The following CALB2 variants were observed in gnomAD, a reference collection of about 807,000 sequenced individuals.
The protein encoded by CALB2 is calretinin.
A neutral mutation model predicts 45.9 loss-of-function variants in CALB2; 34 were observed. The ratio of observed to expected loss-of-function variants is 0.74; its 90% confidence interval spans 0.56 to 0.99. The LOEUF is 0.99. Ranked by LOEUF, CALB2 falls within the 50% of genes least tolerant of loss-of-function variation. The probability of loss-of-function intolerance (pLI) is 0.00; values close to 1 mark genes in which losing one functional copy is unlikely to be tolerated. For missense variants in CALB2, 344 were observed against 339.3 expected, an observed-to-expected ratio of 1.01 and a Z score of -0.11; for synonymous variants, 142 against 129.6, an observed-to-expected ratio of 1.10 and a Z score of -0.65.
rs999507675 is a variant in CALB2, at chr16:71,376,860, C to T, written c.262-807C>T. 7.9e-5 allele frequency among the ~76,000 whole-genome samples: 12 copies of T among 152,314 alleles called. No individual in the cohort carries two copies. The East Asian group carries it at 9.6e-4, about 12-fold the overall frequency. ...ACAACCATATCCAACTACATACATC[C>T]ATATACAACCACTGTCCAGCTGCAG... On this transcript the variant is annotated intron_variant, in intron 3 of 10. Coordinates refer to ENST00000302628, the MANE Select transcript of CALB2 (RefSeq NM_001740.5).
chr16:71,365,004 A>T (rs1228541356), intron 1 of CALB2, among the ~76,000 whole-genome samples: 1 of 152,204 alleles, frequency 6.6e-6, no homozygotes, highest in Non-Finnish European at 1.5e-5. Context: ...GTCGTAAAGA[A>T]CAGATGAGGT....
At chr16:71,383,723 C>T (rs769508302) in intron 6 of CALB2, among the ~76,000 whole-genome samples, 5 of 152,082 alleles carry the variant, frequency 3.3e-5, no homozygotes, top group East Asian at 1.9e-4. Context: ...CCTTTAGTGC[C>T]GGCCTGCTGT....
At chr16:71,383,288 T>C (rs1343328849) in intron 5 of CALB2, 79 bp from the exon 6 acceptor site, 2 of 1,264,084 alleles carry the variant, frequency 1.6e-6, no homozygotes, top group East Asian at 2.4e-5. Context: ...TGAGAGACTG[T>C]CTGAATGAGC....
chr16:71,376,606 TACCCACATCCATCCACATGC>T (rs2042416333), intron 3 of CALB2, among the ~76,000 whole-genome samples: 1 of 144,324 alleles, frequency 6.9e-6, no homozygotes, highest in Non-Finnish European at 1.5e-5. Flanking sequence ...CAATCACATG[TACCCACATCCATCCACATGC>T]ACCCACATGC....
intron 10 of CALB2, among the ~76,000 whole-genome samples, chr16:71,388,997 C>CAAAAA (rs146702342): frequency 1.6e-5 from 1 of 60,686 alleles, no homozygotes; most frequent in African/African-American, 7.3e-5. Flanking sequence ...GACTCCATCT[C>CAAAAA]AAAAAAAAAA....
chr16:71,367,500 G>A (rs1479659719), intron 1 of CALB2, among the ~76,000 whole-genome samples: 1 of 152,156 alleles, frequency 6.6e-6, no homozygotes, highest in Admixed American at 6.5e-5. Context: ...TTTGAGGGAA[G>A]CCAGAGCAGC....
At chr16:71,382,079 GAAGA>G (rs1277431305) in intron 4 of CALB2, among the ~76,000 whole-genome samples, 6 of 129,202 alleles carry the variant, frequency 4.6e-5, no homozygotes, top group East Asian at 2.4e-4. Context: ...GGAGGGGGAG[GAAGA>G]AAGAAAGAGA....
chr16:71,371,666 T>C (rs2042352570), intron 1 of CALB2, among the ~76,000 whole-genome samples: 1 of 152,158 alleles, frequency 6.6e-6, no homozygotes, highest in Non-Finnish European at 1.5e-5. Flanking sequence ...CCACTGGATT[T>C]AGGGCCCACC....
chr16:71,371,750 G>T (rs1318554621), intron 1 of CALB2, among the ~76,000 whole-genome samples: 3 of 152,064 alleles, frequency 2.0e-5, no homozygotes, highest in Non-Finnish European at 4.4e-5. Flanking sequence ...CCATTCTGGG[G>T]GAGCACTCCA....
chr16:71,379,800 A>G (rs1458095011), intron 4 of CALB2, among the ~76,000 whole-genome samples: 9 of 152,226 alleles, frequency 5.9e-5, no homozygotes, highest in Admixed American at 5.2e-4. Flanking sequence ...TCAGTGAGAA[A>G]GAACCAGTTC....
intron 3 of CALB2, among the ~76,000 whole-genome samples, chr16:71,376,462 A>G (rs2042412800): frequency 6.6e-6 from 1 of 152,188 alleles, no homozygotes; most frequent in East Asian, 1.9e-4. Context: ...AGCGCCAGGC[A>G]TCACATCCAC....
rs868229129 is a variant in CALB2, at chr16:71,377,470, G to A, written c.262-197G>A. Among the ~76,000 whole-genome samples, 8 of 152,112 alleles carry A rather than the reference G, an allele frequency of 5.3e-5. No individual in the cohort carries two copies. In the South Asian group the frequency reaches 1.0e-3, roughly 20 times the overall value. The stretch of plus-strand genomic sequence containing the variant: ...ATTGCTCATCCCTTAAGGTTGGGAC[G>A]ACTCAAAAGCACTTCTCTGAACATC... On this transcript the variant is annotated intron_variant, in intron 3 of 10. Coordinates refer to ENST00000302628, the MANE Select transcript of CALB2 (RefSeq NM_001740.5).
chr16:71,368,156 T>G (rs2042308575), intron 1 of CALB2, among the ~76,000 whole-genome samples: 1 of 152,178 alleles, frequency 6.6e-6, no homozygotes, highest in East Asian at 1.9e-4. Context: ...CATTACAGCA[T>G]AAGCCCCACC....
intron 4 of CALB2, among the ~76,000 whole-genome samples, chr16:71,380,397 C>T (rs1340143859): frequency 6.8e-6 from 1 of 147,096 alleles, no homozygotes; most frequent in Non-Finnish European, 1.5e-5. Flanking sequence ...CAACCTCCGC[C>T]TCCCGGGTTC....
intron 7 of CALB2, 66 bp from the exon 8 acceptor site, chr16:71,384,273 T>C: frequency 7.4e-7 from 1 of 1,349,302 alleles, no homozygotes; most frequent in South Asian, 1.2e-5. Context: ...CGCCTCTGCC[T>C]TCCCCTCTCC....
chr16:71,388,183 G>GT (rs34015594), intron 10 of CALB2, among the ~76,000 whole-genome samples: 24,740 of 151,802 alleles, frequency 0.16, 2,720 homozygotes, highest in East Asian at 0.33. Context: ...AAGAATAAAA[G>GT]AAGAACTGGA....
intron 1 of CALB2, among the ~76,000 whole-genome samples, chr16:71,366,410 A>G (rs1230578523): frequency 6.9e-6 from 1 of 145,532 alleles, no homozygotes; most frequent in Non-Finnish European, 1.5e-5. Flanking sequence ...ACCTCACTGC[A>G]ACCTCCGCCT....
chr16:71,380,442 C>A (rs1056436950), intron 4 of CALB2, among the ~76,000 whole-genome samples: 5 of 143,008 alleles, frequency 3.5e-5, no homozygotes, highest in Non-Finnish European at 7.7e-5. Context: ...CCGCCGAGCT[C>A]GGATTACAGG....
At position 71,382,751 on chromosome 16, in the gene CALB2, C is replaced by G; in HGVS notation, c.375C>G (p.Gly125=). ...AWRKYDTDRS[G]YIEANELKGF... The stretch of plus-strand genomic sequence containing the variant: ...GGAAGTACGACACAGACAGGAGTGG[C>G]TACATCGAAGCCAATGAGCTCAAGG... Residue 125 remains glycine (G), a synonymous_variant, in exon 5 of 11, where the codon GGC becomes GGG. Coordinates refer to ENST00000302628, the MANE Select transcript of CALB2 (RefSeq NM_001740.5). 3 of 1,612,026 alleles carry G rather than the reference C, an allele frequency of 1.9e-6. No homozygotes were observed. In the South Asian group the frequency reaches 3.3e-5, roughly 18 times the overall value.
Sources: allele counts gnomAD v4.1 joint callset (sites outside exome capture counted in the v4.1 genomes callset), GRCh38; gene constraint gnomAD v4.1.1; transcripts MANE v1.5; gene names NCBI Gene and HGNC (gene_info 2026-07-23, HGNC 2026-07-21).